PTPN20: variants seen among roughly 807,000 people sequenced by gnomAD.
PTPN20 encodes the protein protein tyrosine phosphatase non-receptor type 20, also known as tyrosine-protein phosphatase non-receptor type 20.
Under a neutral mutation model 35.0 loss-of-function variants are expected in PTPN20, and 9 were observed. The observed-to-expected ratio is 0.26, with a 90% CI of 0.15 to 0.45. PTPN20 has a LOEUF of 0.45. Ranked by LOEUF, PTPN20 falls within the 20% of genes least tolerant of loss-of-function variation. The probability of loss-of-function intolerance (pLI) is 1.00; values close to 1 mark genes in which losing one functional copy is unlikely to be tolerated. For synonymous variants in PTPN20, 32 were observed against 100.2 expected, an observed-to-expected ratio of 0.32 and a Z score of 4.06; for missense variants, 111 against 312.5, an observed-to-expected ratio of 0.36 and a Z score of 4.86.
At chr10:46,938,384 TTTAGTA>T (rs1166610220) in intron 2 of PTPN20, among the ~76,000 whole-genome samples, 1 of 74,270 alleles carries the variant, frequency 1.3e-5, no homozygotes, top group Non-Finnish European at 2.5e-5. Flanking sequence ...CAAGGATAGT[TTTAGTA>T]CTAAGAGGTA....
At chr10:46,940,780 T>G in intron 3 of PTPN20, 63 bp downstream of exon 3, 2 of 1,375,748 alleles carry the variant, frequency 1.5e-6, no homozygotes, top group Non-Finnish European at 2.1e-6. Context: ...CTGACTATGC[T>G]CTCTGGGAAA....
At chr10:46,977,496 G>A (rs1434341133) in intron 7 of PTPN20, among the ~76,000 whole-genome samples, 4 of 152,084 alleles carry the variant, frequency 2.6e-5, no homozygotes, top group African/African-American at 4.8e-5. Context: ...GTAGTGAATA[G>A]AGTATTAATA....
rs919270624 is a variant in PTPN20, at chr10:46,993,593, T to C, written c.1134+6038T>C. On this transcript the variant is annotated intron_variant, in intron 9 of 10. Coordinates refer to ENST00000374339, the MANE Select transcript of PTPN20 (RefSeq NM_001042357.5). ...TTGCCTTGAGTGGATCTCAATAAGC[T>C]ATTTTAAAGAAGTGACAACTTATCT... Among the ~76,000 whole-genome samples, 150 of 152,264 alleles carry C rather than the reference T, an allele frequency of 9.9e-4. 1 individual carries two copies. Among genetic ancestry groups the C allele is most frequent in the Middle Eastern group, 3.4e-3 (1 of 294 alleles).
intron 5 of PTPN20, among the ~76,000 whole-genome samples, chr10:46,952,724 G>A (rs1335678894): frequency 6.6e-6 from 1 of 151,686 alleles, no homozygotes; most frequent in Non-Finnish European, 1.5e-5. Flanking sequence ...TAAATTGGGT[G>A]GTTCTAGTTT....
chr10:46,996,662 A>G (rs1314007756), intron 9 of PTPN20, among the ~76,000 whole-genome samples: 1 of 152,218 alleles, frequency 6.6e-6, no homozygotes, highest in African/African-American at 2.4e-5. Context: ...TTAATAAATT[A>G]TTAAATTTAG....
At chr10:46,928,309 T>C (rs2038349313) in intron 1 of PTPN20, among the ~76,000 whole-genome samples, 1 of 152,018 alleles carries the variant, frequency 6.6e-6, no homozygotes, top group African/African-American at 2.4e-5. Context: ...AAACTTGCAT[T>C]AATAACTTGA....
intron 7 of PTPN20, among the ~76,000 whole-genome samples, chr10:46,977,426 A>G: frequency 1.3e-5 from 2 of 152,412 alleles, no homozygotes; most frequent in Middle Eastern, 6.8e-3. Flanking sequence ...AATTTTAAGG[A>G]TGAGTTTTAT....
At chr10:46,988,406 C>T (rs1393700403) in intron 9 of PTPN20, among the ~76,000 whole-genome samples, 2 of 145,942 alleles carry the variant, frequency 1.4e-5, no homozygotes, top group Non-Finnish European at 3.0e-5. Flanking sequence ...AATCTTCTTT[C>T]CTAGCTCTTT....
chr10:46,996,338 C>G (rs1467833200), intron 9 of PTPN20, among the ~76,000 whole-genome samples: 1 of 152,162 alleles, frequency 6.6e-6, no homozygotes, highest in Non-Finnish European at 1.5e-5. Context: ...ATTTGGAAAG[C>G]TGTGTCTTTT....
intron 9 of PTPN20, among the ~76,000 whole-genome samples, chr10:46,993,934 AT>A (rs2058516031): frequency 6.6e-6 from 1 of 151,900 alleles, no homozygotes; most frequent in Non-Finnish European, 1.5e-5. Flanking sequence ...GGTTTTTTGT[AT>A]TTTTTTATTT....
At chr10:46,999,562 C>T (rs1442253838) in intron 9 of PTPN20, among the ~76,000 whole-genome samples, 4 of 152,172 alleles carry the variant, frequency 2.6e-5, no homozygotes, top group Non-Finnish European at 5.9e-5. Context: ...ATATAAGAAA[C>T]AGATATGCTA....
At chr10:46,925,900 G>C in intron 1 of PTPN20, 1 of 901,910 alleles carries the variant, frequency 1.1e-6, no homozygotes, top group Admixed American at 6.2e-5. Context: ...TGGCCTTTAG[G>C]CATATGTGGA....
intron 9 of PTPN20, among the ~76,000 whole-genome samples, chr10:46,992,269 C>T (rs1434569882): frequency 6.6e-5 from 10 of 151,798 alleles, no homozygotes; most frequent in South Asian, 2.1e-4. Flanking sequence ...ACTACAAGCG[C>T]GTGCCACCAA....
chr10:46,993,648 G>GA (rs1179544808), intron 9 of PTPN20, among the ~76,000 whole-genome samples: 1 of 152,098 alleles, frequency 6.6e-6, no homozygotes, highest in African/African-American at 2.4e-5. Context: ...TAGAAACAAA[G>GA]AAAAAATTTT....
intron 1 of PTPN20, among the ~76,000 whole-genome samples, chr10:46,925,421 C>A (rs1414303829): frequency 6.8e-6 from 1 of 147,064 alleles, no homozygotes; most frequent in Non-Finnish European, 1.5e-5. Flanking sequence ...TCATATCTGA[C>A]TGTGAGGACC....
At chr10:46,918,949 TTTTTCATTTCAG>T (rs1555105550) in intron 1 of PTPN20, among the ~76,000 whole-genome samples, 1 of 139,658 alleles carries the variant, frequency 7.2e-6, no homozygotes. Context: ...TTTTTCTGTT[TTTTTCATTTCAG>T]TTTTCATTTT....
intron 7 of PTPN20, among the ~76,000 whole-genome samples, chr10:46,976,821 T>G (rs1589764426): frequency 6.9e-6 from 1 of 144,688 alleles, no homozygotes; most frequent in Non-Finnish European, 1.5e-5. Flanking sequence ...CTTTTACCTC[T>G]GTAGTTTTGC....
rs1469592457 is a variant in PTPN20, at chr10:46,980,110, G to A, written c.584-4120G>A. Among the ~76,000 whole-genome samples, 447 of 144,270 alleles carry A rather than the reference G, an allele frequency of 3.1e-3. 1 individual carries two copies. The highest frequency in any genetic ancestry group is 0.01 in the African/African-American group (417 of 39,968). 94.6% of individuals were successfully genotyped at this position (144,270 alleles called of 152,430 possible). On this transcript the variant is annotated intron_variant, in intron 7 of 10. Transcript: ENST00000374339. Reference sequence around the variant, plus strand: ...CTTCTACTTCAGTGAAATTTCTAGAGGTCCAGTGTTGTGGGACATGTGGAG... The same window carrying A: ...CTTCTACTTCAGTGAAATTTCTAGAAGTCCAGTGTTGTGGGACATGTGGAG...
At chr10:47,000,030 G>T in intron 10 of PTPN20, 56 bp downstream of exon 10, 1 of 1,604,830 alleles carries the variant, frequency 6.2e-7, no homozygotes, top group Non-Finnish European at 8.5e-7. Context: ...GATTAACATT[G>T]CATAACACTT....
Sources: gnomAD v4.1 joint callset for allele counts (sites outside exome capture counted in the v4.1 genomes callset) on GRCh38, gnomAD v4.1.1 for gene constraint, MANE v1.5 for transcripts, NCBI Gene and HGNC (gene_info 2026-07-23, HGNC 2026-07-21) for gene names.